The following ERC2 variants were observed in gnomAD, a reference collection of about 807,000 sequenced individuals.
The protein encoded by ERC2 is ERC protein 2.
Under a neutral mutation model 114.8 loss-of-function variants are expected in ERC2, and 42 were observed. The ratio of observed to expected loss-of-function variants is 0.37; its 90% CI spans 0.29 to 0.47. ERC2 has a LOEUF of 0.47. Among genes scored for constraint, ERC2 ranks in the 20% least tolerant of loss-of-function variants. The pLI is 0.99. For missense variants in ERC2, 939 were observed against 1,150.7 expected (o/e 0.82, Z 2.66); for synonymous variants, 454 against 425.5 (o/e 1.07, Z -0.82).
chr3:55,717,600 G>A lies in ERC2; in HGVS notation c.2712+17171C>T, dbSNP rs1292520442. On this transcript the variant is annotated intron_variant, in intron 15 of 17. Transcript: ENST00000288221. ...TAAGTATGTGGTTTCTGTTTGGTTT[G>A]TTCGAGAAGCTCTTTTTTGGATTTG... Among the ~76,000 whole-genome samples the A allele has an allele frequency of 2.0e-5, 3 of 152,108 alleles. No individual in the cohort carries two copies. In the East Asian group the frequency reaches 5.8e-4, roughly 29 times the overall value.
At chr3:55,783,020 T>C (rs936218027) in intron 14 of ERC2, among the ~76,000 whole-genome samples, 3 of 152,210 alleles carry the variant, frequency 2.0e-5, no homozygotes. Flanking sequence ...ACAGCTGGTG[T>C]GGCCAGCCAC....
chr3:55,546,196 C>T (rs1436135292), intron 17 of ERC2, among the ~76,000 whole-genome samples: 5 of 152,142 alleles, frequency 3.3e-5, no homozygotes, highest in South Asian at 4.2e-4. Flanking sequence ...AGGCTCTGCT[C>T]GGCACTTCCT....
chr3:55,645,597 T>C (rs1226205981), intron 17 of ERC2, among the ~76,000 whole-genome samples: 1 of 152,220 alleles, frequency 6.6e-6, no homozygotes, highest in Non-Finnish European at 1.5e-5. Context: ...GCAAGTGTTG[T>C]GCAATCTATT....
At chr3:55,617,136 G>C (rs1010514078) in intron 17 of ERC2, among the ~76,000 whole-genome samples, 18 of 152,198 alleles carry the variant, frequency 1.2e-4, no homozygotes, top group African/African-American at 4.3e-4. Context: ...AGAGGGACCA[G>C]AGGACTTAAT....
intron 6 of ERC2, among the ~76,000 whole-genome samples, chr3:56,127,562 T>G (rs1057063619): frequency 1.3e-5 from 2 of 151,924 alleles, no homozygotes; most frequent in African/African-American, 2.4e-5. Flanking sequence ...ACCCTGTCCC[T>G]ACTAAAAATA....
intron 3 of ERC2, among the ~76,000 whole-genome samples, chr3:56,281,297 C>T (rs914122537): frequency 2.0e-5 from 3 of 149,038 alleles, no homozygotes; most frequent in Non-Finnish European, 4.5e-5. Flanking sequence ...ATTAGCCGGG[C>T]GTAGTGGCGG....
intron 3 of ERC2, among the ~76,000 whole-genome samples, chr3:56,212,860 A>G (rs1463692859): frequency 1.3e-5 from 2 of 152,194 alleles, no homozygotes; most frequent in African/African-American, 4.8e-5. Flanking sequence ...GAAAAGGAAC[A>G]AAATAATGGC....
chr3:55,796,385 G>A (rs753111595), intron 14 of ERC2, among the ~76,000 whole-genome samples: 9 of 152,198 alleles, frequency 5.9e-5, no homozygotes, highest in African/African-American at 1.9e-4. Context: ...ATCAGAAGTC[G>A]AGGAATTACA....
intron 7 of ERC2, among the ~76,000 whole-genome samples, chr3:56,033,080 G>GAA (rs1553782573): frequency 5.6e-5 from 7 of 125,836 alleles, no homozygotes; most frequent in African/African-American, 1.7e-4. Context: ...AAGAAAGAAA[G>GAA]AAAGAAAAGT....
At chr3:55,533,640 G>C (rs746232315) in intron 17 of ERC2, among the ~76,000 whole-genome samples, 1 of 152,220 alleles carries the variant, frequency 6.6e-6, no homozygotes, top group Non-Finnish European at 1.5e-5. Flanking sequence ...AGGAGACCCA[G>C]AGGCGGCTCA....
At chr3:56,130,309 C>T (rs1436233357) in intron 6 of ERC2, among the ~76,000 whole-genome samples, 2 of 152,158 alleles carry the variant, frequency 1.3e-5, no homozygotes, top group Admixed American at 6.5e-5. Flanking sequence ...CTACTTTCTT[C>T]CTCCATTTTA....
chr3:55,695,798 G>A (rs772156945), intron 16 of ERC2, among the ~76,000 whole-genome samples: 3 of 152,050 alleles, frequency 2.0e-5, no homozygotes, highest in Non-Finnish European at 4.4e-5. Context: ...GATACTCTGA[G>A]AACAATATTT....
intron 4 of ERC2, among the ~76,000 whole-genome samples, chr3:56,157,945 C>T (rs1463935255): frequency 3.9e-5 from 6 of 152,220 alleles, no homozygotes; most frequent in South Asian, 4.1e-4. Flanking sequence ...CAGGGGCACA[C>T]GCCAGTAAGG....
chr3:55,853,788 A>G (rs1303322868), intron 14 of ERC2, among the ~76,000 whole-genome samples: 1 of 152,186 alleles, frequency 6.6e-6, no homozygotes, highest in Admixed American at 6.5e-5. Flanking sequence ...TTATAGAATG[A>G]GTGCAGAGTT....
intron 15 of ERC2, among the ~76,000 whole-genome samples, chr3:55,718,400 A>G (rs1296036221): frequency 1.3e-5 from 2 of 152,236 alleles, no homozygotes; most frequent in Non-Finnish European, 2.9e-5. Context: ...TAAAAGAAAA[A>G]AGAACAGGAC....
chr3:55,782,423 C>T (rs748509863), intron 14 of ERC2, among the ~76,000 whole-genome samples: 7 of 152,186 alleles, frequency 4.6e-5, no homozygotes, highest in African/African-American at 7.2e-5. Flanking sequence ...TCCTATCCAC[C>T]AGGTTCACTC....
chr3:55,811,856 G>C (rs1014842808), intron 14 of ERC2, among the ~76,000 whole-genome samples: 4 of 152,064 alleles, frequency 2.6e-5, no homozygotes, highest in Admixed American at 6.6e-5. Flanking sequence ...TAAATTTAAT[G>C]TTATTTTATT....
intron 17 of ERC2, among the ~76,000 whole-genome samples, chr3:55,654,775 G>C (rs780233560): frequency 6.6e-6 from 1 of 152,244 alleles, no homozygotes; most frequent in Non-Finnish European, 1.5e-5. Context: ...GCCAGTATGA[G>C]GACCTTTGCC....
At chr3:55,652,669 C>G (rs574368287) in intron 17 of ERC2, among the ~76,000 whole-genome samples, 1 of 151,892 alleles carries the variant, frequency 6.6e-6, no homozygotes, top group South Asian at 2.1e-4. Context: ...GTCATGAGTT[C>G]GAGACCAACC....
Sources: allele counts gnomAD v4.1 joint callset (sites outside exome capture counted in the v4.1 genomes callset), GRCh38; gene constraint gnomAD v4.1.1; transcripts MANE v1.5; gene names NCBI Gene and HGNC (gene_info 2026-07-23, HGNC 2026-07-21).